TTLL12: variants seen among roughly 807,000 people sequenced by gnomAD.
The protein encoded by TTLL12 is tubulin tyrosine ligase like 12, also known as tubulin--tyrosine ligase-like protein 12.
Under a neutral mutation model 79.6 loss-of-function variants are expected in TTLL12, and 77 were observed. The observed-to-expected ratio is 0.97, with a 90% CI of 0.81 to 1.17. TTLL12 has a LOEUF of 1.17. TTLL12 is among the 50% of genes most tolerant of loss of function. The pLI, the probability that TTLL12 is intolerant of heterozygous loss-of-function variation, is 0.00. For missense variants in TTLL12, 969 were observed against 895.9 expected (o/e 1.08, Z -1.04); for synonymous variants, 437 against 376.1 (o/e 1.16, Z -1.87).
rs1210666193 is a variant in TTLL12 at position 43,187,043 on chromosome 22, G to GCGCTCGGGACCC, written c.15_26dup (p.Gly6_Arg9dup). ...CCGGGCTGCTACGCTCCGCAGGCCGGCGCTCGGGACCCCGCTCGGCCTCCA... is the reference window on the plus strand; with the variant it reads ...CCGGGCTGCTACGCTCCGCAGGCCGGCGCTCGGGACCCCGCTCGGGACCCCGCTCGGCCTCCA... On this transcript the variant is annotated inframe_insertion, in exon 1 of 14. Transcript: ENST00000216129. The GCGCTCGGGACCC allele has an allele frequency of 2.5e-6, 3 of 1,199,636 alleles. No homozygotes were observed. In the African/African-American group the frequency reaches 4.8e-5, roughly 19 times the overall value. The allele number at this position is 1,199,636 out of a possible 1,614,324, so 74.3% of individuals were successfully genotyped here. A position where few individuals can be genotyped will look rare whatever the true frequency, so the allele number is the denominator to read the frequency against.
rs577755395 is a variant in TTLL12, at chr22:43,178,759, G to C, written c.840+860C>G. Among the ~76,000 whole-genome samples the C allele has an allele frequency of 2.3e-4, 35 of 152,360 alleles. No homozygotes were observed. The South Asian group carries it at 4.6e-3, about 20-fold the overall frequency. On this transcript the variant is annotated intron_variant, in intron 5 of 13. Coordinates refer to ENST00000216129, the MANE Select transcript of TTLL12 (RefSeq NM_015140.4). ...AGCCTGCAGCCTCAGCTGGACTCCA[G>C]CTCTTCCCCCTGCTGTGTGACCCCT... is the stretch of plus-strand genomic sequence containing the variant.
At chr22:43,180,627 G>A in intron 3 of TTLL12, 115 bp downstream of exon 3, 1 of 1,219,378 alleles carries the variant, frequency 8.2e-7, no homozygotes, top group Middle Eastern at 2.7e-4. Flanking sequence ...GAAGCCACAG[G>A]AGAAAGTGAG....
chr22:43,183,753 G>A (rs1040179972), intron 1 of TTLL12, among the ~76,000 whole-genome samples: 1 of 152,258 alleles, frequency 6.6e-6, no homozygotes, highest in Non-Finnish European at 1.5e-5. Flanking sequence ...AAGCAGGCAA[G>A]TGACCTCTTC....
chr22:43,185,121 G>C (rs541910464), intron 1 of TTLL12, among the ~76,000 whole-genome samples: 1 of 151,456 alleles, frequency 6.6e-6, no homozygotes, highest in East Asian at 1.9e-4. Flanking sequence ...CCAGCTACTC[G>C]GGAGGCTGAG....
At chr22:43,170,275 G>A (rs1931731081) in intron 11 of TTLL12, 1 of 272,890 alleles carries the variant, frequency 3.7e-6, no homozygotes, top group South Asian at 3.8e-5. Flanking sequence ...GGCCCTGCTG[G>A]GGGGTCTGGG....
chr22:43,182,883 T>C, intron 2 of TTLL12, 97 bp downstream of exon 2: 1 of 1,468,886 alleles, frequency 6.8e-7, no homozygotes, highest in Non-Finnish European at 9.1e-7. Flanking sequence ...AAGGAAGATG[T>C]CCAGCGGCGG....
chr22:43,181,036 C>T lies in TTLL12; in HGVS notation c.348-96G>A, dbSNP rs923683908. On this transcript the variant is annotated intron_variant, in intron 2 of 13. Transcript: ENST00000216129. ...GCCCAGGGCTGTGTTGGGACCAGGGCCCAAGCTTCCTTAGATTTGGTCTAC... is the reference window on the plus strand; with the variant it reads ...GCCCAGGGCTGTGTTGGGACCAGGGTCCAAGCTTCCTTAGATTTGGTCTAC... 4 of 1,370,000 alleles carry T rather than the reference C, an allele frequency of 2.9e-6. No individual in the cohort carries two copies. In the African/African-American group the frequency reaches 5.8e-5, roughly 20 times the overall value. The allele number at this position is 1,370,000 out of a possible 1,614,324, so 84.9% of individuals were successfully genotyped here.
chr22:43,168,983 G>A (rs1931692659), intron 12 of TTLL12, 71 bp from the exon 13 acceptor site: 2 of 1,509,754 alleles, frequency 1.3e-6, no homozygotes, highest in African/African-American at 1.4e-5. Context: ...TGCTGCCCCT[G>A]CCCAAGTCCC....
At position 43,168,872 on chromosome 22, in the gene TTLL12, G is replaced by A; in HGVS notation, c.1685C>T (p.Ala562Val). 2 of 1,610,836 alleles carry A rather than the reference G, an allele frequency of 1.2e-6. No homozygotes were observed. Among genetic ancestry groups the A allele is most frequent in the Non-Finnish European group, 1.7e-6 (2 of 1,178,966 alleles). Residue 562 changes from alanine (A) to valine (V), a missense_variant, in exon 13 of 14, where the codon GCC becomes GTC. Physicochemically the swap from Ala to Val is moderately conservative, Grantham distance 64 (BLOSUM62 0). Transcript: ENST00000216129. ...GCCCAGGGGTGGTGGCTTGGCACAG[G>A]CCACCTGGAACAGCTCCGTGAAGGC... The part of the protein sequence containing the change: ...FRAFTELFQV[A>V]CAKPPPLGLC...
rs1336814677 is a variant in TTLL12, at chr22:43,172,483, G to T, written c.1413C>A (p.Ile471=). 14 of 1,614,040 alleles carry T rather than the reference G, an allele frequency of 8.7e-6. No individual in the cohort carries two copies. The highest frequency in any genetic ancestry group is 1.1e-5 in the Non-Finnish European group (13 of 1,180,056). Residue 471 remains isoleucine (I), a synonymous_variant, in exon 10 of 14, where the codon ATC becomes ATA. Coordinates refer to ENST00000216129, the MANE Select transcript of TTLL12 (RefSeq NM_015140.4). ...CTGACCGCAGCAGCACGATGTAGCG[G>T]ATGTCGAACTTGACCTTTCCCACGT... ...REDVGKVKFD[I]RYIVLLRSVR...
Position 43,180,008 on chromosome 22 carries a change from C to G in TTLL12, c.547-8G>C. 6.3e-7 allele frequency: 1 copy of G among 1,584,706 alleles called. No individual in the cohort carries two copies. The highest frequency in any genetic ancestry group is 8.6e-7 in the Non-Finnish European group (1 of 1,167,250). On this transcript the variant is annotated splice_polypyrimidine_tract_variant and splice_region_variant and intron_variant, in intron 3 of 13. Transcript: ENST00000216129. ...CATCTTCTCCTCAGCTGTCTGCAGA[C>G]AGAGCACATATGGCACCTCTCGCTC...
intron 1 of TTLL12, among the ~76,000 whole-genome samples, chr22:43,185,299 A>ATG: frequency 1.1e-5 from 1 of 90,856 alleles, no homozygotes; most frequent in African/African-American, 4.4e-5. Context: ...ATATATATAT[A>ATG]TGTATGTATC....
rs756469616 is a variant in TTLL12 at position 43,173,787 on chromosome 22, C to A, written c.1269G>T (p.Leu423=). 1 of 1,604,904 alleles carries A rather than the reference C, an allele frequency of 6.2e-7. No homozygotes were observed. The highest frequency in any genetic ancestry group is 8.5e-7 in the Non-Finnish European group (1 of 1,179,934). Reference sequence around the variant, plus strand: ...TGACGTGGGTGTCCAGGCTGCGCGCCAGGTTCCAGGGCTTGCAGATCCAGT... The same window carrying A: ...TGACGTGGGTGTCCAGGCTGCGCGCAAGGTTCCAGGGCTTGCAGATCCAGT... ...DNHWICKPWN[L]ARSLDTHVTK... The change falls in exon 9 of 14, where the codon CTG becomes CTT. Residue 423 remains leucine (L), a synonymous_variant. Transcript: ENST00000216129.
intron 1 of TTLL12, 78 bp downstream of exon 1, chr22:43,186,815 T>C: frequency 8.3e-7 from 1 of 1,198,848 alleles, no homozygotes; most frequent in Non-Finnish European, 1.0e-6. Context: ...CCGGGAGCGC[T>C]CTTCCCTGTC....
chr22:43,180,984 G>T (rs1346069040), intron 2 of TTLL12, 44 bp from the exon 3 acceptor site: 3 of 1,588,064 alleles, frequency 1.9e-6, no homozygotes, highest in Non-Finnish European at 2.6e-6. Flanking sequence ...GTGGGCATGG[G>T]GCAAAGGGAA....
At chr22:43,178,148 G>A (rs773789650) in intron 5 of TTLL12, among the ~76,000 whole-genome samples, 2 of 152,108 alleles carry the variant, frequency 1.3e-5, no homozygotes, top group Non-Finnish European at 2.9e-5. Flanking sequence ...AGGGGCTCTG[G>A]GAGGCTTGTA....
chr22:43,171,027 C>T (rs79715190), intron 11 of TTLL12, among the ~76,000 whole-genome samples: 2 of 152,196 alleles, frequency 1.3e-5, no homozygotes, highest in African/African-American at 2.4e-5. Context: ...GACAGCCACA[C>T]GTTCAGGGGT....
chr22:43,185,470 C>G (rs747401250), intron 1 of TTLL12, among the ~76,000 whole-genome samples: 14 of 151,934 alleles, frequency 9.2e-5, no homozygotes, highest in Non-Finnish European at 2.1e-4. Flanking sequence ...TCAGGAAGAG[C>G]TGCAAGTTTG....
chr22:43,177,244 C>T (rs1036600536), intron 5 of TTLL12, among the ~76,000 whole-genome samples: 3 of 151,998 alleles, frequency 2.0e-5, no homozygotes, highest in African/African-American at 7.3e-5. Flanking sequence ...TAGCAGTTGC[C>T]TGGAATCCCA....
Sources: allele counts gnomAD v4.1 joint callset (sites outside exome capture counted in the v4.1 genomes callset), GRCh38; gene constraint gnomAD v4.1.1; transcripts MANE v1.5; gene names NCBI Gene and HGNC (gene_info 2026-07-23, HGNC 2026-07-21).